Variants in ELAVL4 observed in about 807,000 individuals in gnomAD.
The protein encoded by ELAVL4 is ELAV like RNA binding protein 4.
In ELAVL4, 1 loss-of-function variant was observed where a neutral mutation model predicts 35.6. That is an observed-to-expected ratio of 0.03 (90% CI 0.01 to 0.13). ELAVL4 has a LOEUF of 0.13. ELAVL4 is among the 10% of genes least tolerant of loss of function. ELAVL4 has a pLI of 1.00. For synonymous variants in ELAVL4, 156 were observed against 171.0 expected, an observed-to-expected ratio of 0.91 and a Z score of 0.69; for missense variants, 267 against 464.9, an observed-to-expected ratio of 0.57 and a Z score of 3.91.
intron 1 of ELAVL4, among the ~76,000 whole-genome samples, chr1:50,121,476 TAGTATTATTTC>T (rs2148593887): frequency 6.6e-6 from 1 of 152,194 alleles, no homozygotes; most frequent in South Asian, 2.1e-4. Context: ...TATTAAGGGT[TAGTATTATTTC>T]ATGAATCTTT....
chr1:50,157,864 A>C (rs1412747002), intron 2 of ELAVL4, among the ~76,000 whole-genome samples: 1 of 152,212 alleles, frequency 6.6e-6, no homozygotes, highest in Non-Finnish European at 1.5e-5. Context: ...AATAACCAAA[A>C]CATCAGATTT....
chr1:50,111,702 G>A lies in ELAVL4; in HGVS notation c.9+2504G>A, dbSNP rs569864243. Among the ~76,000 whole-genome samples the A allele has an allele frequency of 3.3e-5, 5 of 152,188 alleles. No homozygotes were observed. In the South Asian group the frequency reaches 1.0e-3, roughly 32 times the overall value. On this transcript the variant is annotated intron_variant, in intron 1 of 6. Coordinates refer to ENST00000371824, the MANE Select transcript of ELAVL4 (RefSeq NM_001144774.3). The stretch of plus-strand genomic sequence containing the variant: ...GCATTTGGTCCTGATTCTGGTCTTG[G>A]CACAAACTGAGTGAAAAGCTGATTT...
At chr1:50,116,395 G>GGTGT (rs139106566) in intron 1 of ELAVL4, among the ~76,000 whole-genome samples, 6 of 149,562 alleles carry the variant, frequency 4.0e-5, no homozygotes, top group Admixed American at 2.0e-4. Context: ...TAAATACTGT[G>GGTGT]GTGTGTGTGT....
rs1051022325 is a variant in ELAVL4 at position 50,077,867 on chromosome 1, G to A, written c.18+29685G>A. On this transcript the variant is annotated intron_variant, in intron 1 of 6. Coordinates refer to the ELAVL4 transcript ENST00000448907. ...AATAACTTTATCCCTCTGTTTACCC[G>A]TTAGAGAGTCCATGTCTACAATTGT... Among the ~76,000 whole-genome samples, 7 of 152,154 alleles carry A rather than the reference G, an allele frequency of 4.6e-5. No homozygotes were observed. The East Asian group carries it at 7.7e-4, about 17-fold the overall frequency.
intron 2 of ELAVL4, among the ~76,000 whole-genome samples, chr1:50,167,384 A>G (rs1678126995): frequency 1.3e-5 from 2 of 152,238 alleles, no homozygotes; most frequent in African/African-American, 4.8e-5. Context: ...CCGTGAATCC[A>G]TGGATGGTAG....
At chr1:50,112,885 G>A (rs1326855500) in intron 1 of ELAVL4, among the ~76,000 whole-genome samples, 2 of 151,954 alleles carry the variant, frequency 1.3e-5, no homozygotes, top group Non-Finnish European at 2.9e-5. Flanking sequence ...TTGAAAATTA[G>A]GGTGTTGTTA....
At chr1:50,111,225 T>C (rs1030414797) in intron 1 of ELAVL4, among the ~76,000 whole-genome samples, 1 of 150,426 alleles carries the variant, frequency 6.6e-6, no homozygotes, top group Non-Finnish European at 1.5e-5. Flanking sequence ...GAAGGGAGGG[T>C]AGGGAATCTT....
At chr1:50,196,803 G>C (rs187720426) in intron 5 of ELAVL4, among the ~76,000 whole-genome samples, 3 of 152,298 alleles carry the variant, frequency 2.0e-5, no homozygotes, top group Admixed American at 2.0e-4. Flanking sequence ...CGTTACTACT[G>C]CCCTATGGTG....
intron 2 of ELAVL4, 68 bp downstream of exon 2, chr1:50,145,265 T>A: frequency 1.3e-6 from 2 of 1,597,382 alleles, no homozygotes; most frequent in Non-Finnish European, 1.7e-6. Flanking sequence ...TGCACATGTG[T>A]GATGGTGCAC....
At chr1:50,095,088 G>A (rs1218534903) in intron 1 of ELAVL4, among the ~76,000 whole-genome samples, 1 of 152,152 alleles carries the variant, frequency 6.6e-6, no homozygotes, top group East Asian at 1.9e-4. Flanking sequence ...AGATAGCAAT[G>A]ACTGAATGCT....
intron 2 of ELAVL4, among the ~76,000 whole-genome samples, chr1:50,154,752 T>TTGTGTGTG (rs35896145): frequency 2.0e-5 from 3 of 147,230 alleles, no homozygotes; most frequent in Non-Finnish European, 4.5e-5. Flanking sequence ...TTGTTATATT[T>TTGTGTGTG]TGTGTGTGTG....
In ELAVL4 at chr1:50,175,395, C is replaced by A. The variant is rs931316894; in HGVS notation, c.251-1694C>A. 6.8e-5 allele frequency: 10 copies of A among 148,042 alleles called. No individual in the cohort carries two copies. The East Asian group carries it at 1.8e-3, about 26-fold the overall frequency. The allele number at this position is 148,042 out of a possible 1,614,324, so 9.2% of individuals were successfully genotyped here. On this transcript the variant is annotated intron_variant, in intron 2 of 6. Transcript: ENST00000371824. The stretch of plus-strand genomic sequence containing the variant: ...CCTGCCCCCACCACACGTACACACA[C>A]ACACACACACACACACACACACACA...
At chr1:50,127,397 A>G (rs1670123605) in intron 1 of ELAVL4, among the ~76,000 whole-genome samples, 1 of 152,142 alleles carries the variant, frequency 6.6e-6, no homozygotes, top group Non-Finnish European at 1.5e-5. Context: ...GAAGCTATGT[A>G]GGTCAGGGAG....
intron 1 of ELAVL4, among the ~76,000 whole-genome samples, chr1:50,061,087 T>C (rs1663939260): frequency 6.6e-6 from 1 of 151,964 alleles, no homozygotes; most frequent in Admixed American, 6.6e-5. Flanking sequence ...ATCAAAGAGG[T>C]CAAGTTCACC....
At chr1:50,062,138 C>T (rs116553156) in intron 1 of ELAVL4, among the ~76,000 whole-genome samples, 1 of 152,132 alleles carries the variant, frequency 6.6e-6, no homozygotes, top group African/African-American at 2.4e-5. Context: ...CCTTTGTATC[C>T]CAGAAACTTG....
At chr1:50,179,135 T>C (rs1680605806) in intron 3 of ELAVL4, among the ~76,000 whole-genome samples, 2 of 152,124 alleles carry the variant, frequency 1.3e-5, no homozygotes, top group Admixed American at 1.3e-4. Flanking sequence ...AAAGAGTCAG[T>C]CTGCCTCCTT....
intron 1 of ELAVL4, among the ~76,000 whole-genome samples, chr1:50,118,430 CTG>C (rs769679312): frequency 5.9e-5 from 9 of 151,716 alleles, no homozygotes; most frequent in Non-Finnish European, 1.2e-4. Context: ...ATCAGATTGA[CTG>C]AAGAGATGTG....
upstream of ELAVL4, among the ~76,000 whole-genome samples, chr1:50,102,985 A>C (rs1666069587): frequency 6.6e-6 from 1 of 152,190 alleles, no homozygotes; most frequent in Non-Finnish European, 1.5e-5. Context: ...CTTTCCCAGA[A>C]AGACATCCTA....
chr1:50,136,181 A>G (rs920397156), intron 1 of ELAVL4, among the ~76,000 whole-genome samples: 14 of 152,172 alleles, frequency 9.2e-5, no homozygotes, highest in African/African-American at 3.4e-4. Flanking sequence ...GTATCTTTTA[A>G]GGAGCAAGAA....
Sources: gnomAD v4.1 joint callset for allele counts (sites outside exome capture counted in the v4.1 genomes callset) on GRCh38, gnomAD v4.1.1 for gene constraint, MANE v1.5 for transcripts, NCBI Gene and HGNC (gene_info 2026-07-23, HGNC 2026-07-21) for gene names.